The following KIF5C variants were observed in gnomAD, a reference collection of about 807,000 sequenced individuals.
KIF5C encodes the protein kinesin heavy chain isoform 5C.
In KIF5C, 18 loss-of-function variants were observed where a neutral mutation model predicts 125.2. The ratio of observed to expected loss-of-function variants is 0.14; its 90% CI spans 0.10 to 0.21. The LOEUF is 0.21. Among genes scored for constraint, KIF5C ranks in the 10% least tolerant of loss-of-function variants. KIF5C has a pLI of 1.00. For missense variants in KIF5C, 780 were observed against 1,183.8 expected (o/e 0.66, Z 5.01); for synonymous variants, 405 against 434.0 (o/e 0.93, Z 0.83).
intron 7 of KIF5C, among the ~76,000 whole-genome samples, chr2:148,943,204 AAAAAAG>A (rs1437659202): frequency 2.6e-5 from 4 of 152,300 alleles, no homozygotes; most frequent in Middle Eastern, 3.4e-3. Flanking sequence ...TGCCTTCTGT[AAAAAAG>A]AAAAAGAAAG....
intron 3 of KIF5C, among the ~76,000 whole-genome samples, chr2:148,933,989 C>T (rs1268904692): frequency 2.0e-5 from 3 of 151,324 alleles, no homozygotes; most frequent in South Asian, 2.1e-4. Flanking sequence ...TACCACACAC[C>T]CTTCCACATA....
At chr2:148,941,878 T>C in intron 5 of KIF5C, 57 bp from the exon 6 acceptor site, 1 of 1,587,894 alleles carries the variant, frequency 6.3e-7, no homozygotes, top group East Asian at 2.2e-5. Flanking sequence ...TTTCCTCCAA[T>C]ATAGAGTCTT....
chr2:148,948,037 G>A, intron 8 of KIF5C: 1 of 456,500 alleles, frequency 2.2e-6, no homozygotes, highest in Non-Finnish European at 4.4e-6. Context: ...GGTATTTCTA[G>A]TTGGGAATCT....
chr2:148,934,554 T>TACACAC (rs146996473), intron 3 of KIF5C, among the ~76,000 whole-genome samples: 2 of 143,164 alleles, frequency 1.4e-5, no homozygotes, highest in African/African-American at 5.1e-5. Flanking sequence ...CACACACGCA[T>TACACAC]ACACACACAC....
At chr2:148,998,809 G>C (rs569419156) in intron 19 of KIF5C, 1 of 266,006 alleles carries the variant, frequency 3.8e-6, no homozygotes, top group Non-Finnish European at 7.0e-6. Flanking sequence ...TAGATGGGGG[G>C]GAGCATCTGT....
At position 148,921,764 on chromosome 2, in the gene KIF5C, A is replaced by G. The variant is rs567554166; in HGVS notation, c.127-373A>G. ...GCTTATTAGCTATCTGCTCAACTTAATTGAATGATTCACAAGAGCAAGACT... is the reference window on the plus strand; with the variant it reads ...GCTTATTAGCTATCTGCTCAACTTAGTTGAATGATTCACAAGAGCAAGACT... On this transcript the variant is annotated intron_variant, in intron 1 of 25. Transcript: ENST00000435030. Among the ~76,000 whole-genome samples, 140 of 151,982 alleles carry G rather than the reference A, an allele frequency of 9.2e-4. 2 individuals are homozygous for G. Among genetic ancestry groups the G allele is most frequent in the Admixed American group, 9.2e-3 (140 of 15,270 alleles).
chr2:148,945,768 C>G (rs140621592), intron 7 of KIF5C, among the ~76,000 whole-genome samples: 1 of 152,132 alleles, frequency 6.6e-6, no homozygotes, highest in East Asian at 1.9e-4. Context: ...ACCTTCAACT[C>G]TGTTCTTATT....
chr2:148,984,212 C>G (rs1364739078), intron 15 of KIF5C, among the ~76,000 whole-genome samples: 1 of 152,112 alleles, frequency 6.6e-6, no homozygotes, highest in Admixed American at 6.5e-5. Flanking sequence ...GAAATAAAAC[C>G]ACATTTAATT....
chr2:148,938,603 T>C (rs1002806150), intron 4 of KIF5C, among the ~76,000 whole-genome samples: 4 of 152,104 alleles, frequency 2.6e-5, no homozygotes, highest in South Asian at 2.1e-4. Flanking sequence ...CCTACATAGG[T>C]GCCCCCCTTG....
At chr2:148,992,258 T>C (rs979454933) in intron 16 of KIF5C, among the ~76,000 whole-genome samples, 1 of 152,176 alleles carries the variant, frequency 6.6e-6, no homozygotes, top group African/African-American at 2.4e-5. Flanking sequence ...AGTGCTAATA[T>C]GTGATAGTAA....
rs552282621 is a variant in KIF5C at position 149,019,645 on chromosome 2, G to T, written c.*8-3433G>T. ...CAGCAGATTGTACCAAAGCTCCAAT[G>T]AGATAAATCCACTTCTATTCAGCAG... On this transcript the variant is annotated intron_variant, in intron 25 of 25. Coordinates refer to ENST00000435030, the MANE Select transcript of KIF5C (RefSeq NM_004522.3). Among the ~76,000 whole-genome samples the T allele has an allele frequency of 2.0e-5, 3 of 152,294 alleles. No individual in the cohort carries two copies. The East Asian group carries it at 5.8e-4, about 29-fold the overall frequency.
intron 11 of KIF5C, among the ~76,000 whole-genome samples, chr2:148,971,286 G>GTCTA (rs752649709): frequency 0.017 from 2,285 of 134,444 alleles, 29 homozygotes; most frequent in African/African-American, 0.035. Context: ...CTGTCTGTCT[G>GTCTA]TCTGTCTATC....
In KIF5C at chr2:149,000,708, T is replaced by C; in HGVS notation, c.2313-14T>C. 1 of 1,613,656 alleles carries C rather than the reference T, an allele frequency of 6.2e-7. No homozygotes were observed. ...GTCCCCTGTGGTGGTCTATGGTTCC[T>C]TTTTGTTTTTCAGATTGCTCAACGA... On this transcript the variant is annotated splice_polypyrimidine_tract_variant and intron_variant, in intron 20 of 25. Coordinates refer to ENST00000435030, the MANE Select transcript of KIF5C (RefSeq NM_004522.3).
intron 2 of KIF5C, among the ~76,000 whole-genome samples, chr2:148,925,703 GT>G (rs1211206738): frequency 6.6e-6 from 1 of 152,166 alleles, no homozygotes; most frequent in African/African-American, 2.4e-5. Context: ...TTTATGAGTG[GT>G]CCCTGTTCTG....
chr2:148,895,786 T>C (rs767594926), intron 1 of KIF5C, among the ~76,000 whole-genome samples: 14 of 152,046 alleles, frequency 9.2e-5, no homozygotes, highest in Non-Finnish European at 2.1e-4. Context: ...GCTATCTTCC[T>C]GGCATGTAGA....
chr2:148,938,999 G>C (rs1179846940), intron 4 of KIF5C, among the ~76,000 whole-genome samples: 1 of 151,628 alleles, frequency 6.6e-6, no homozygotes, highest in East Asian at 1.9e-4. Flanking sequence ...GGAGGCTGAG[G>C]CACGAGAATC....
Position 149,023,300 on chromosome 2 carries a change from TACTACTGAGAA to T in KIF5C, c.*231_*241del, listed in dbSNP as rs767548560. The T allele has an allele frequency of 2.0e-5, 3 of 152,302 alleles. No homozygotes were observed. The highest frequency in any genetic ancestry group is 4.8e-5 in the African/African-American group (2 of 41,414). 9.4% of individuals were successfully genotyped at this position (152,302 alleles called of 1,614,324 possible). ...AGGAGATGGTTGCAGAAGATCCACT[TACTACTGAGAA>T]CCATTACCACCGACTCGGCCTCCGG... On this transcript the variant is annotated 3_prime_UTR_variant, in exon 26 of 26. Transcript: ENST00000435030.
chr2:148,900,067 T>TA (rs1680834492), intron 1 of KIF5C, among the ~76,000 whole-genome samples: 1 of 152,358 alleles, frequency 6.6e-6, no homozygotes, highest in South Asian at 2.1e-4. Context: ...ACTGTTTTTC[T>TA]ACTCTTCAGG....
chr2:149,016,367 G>A (rs73011372), intron 25 of KIF5C, among the ~76,000 whole-genome samples: 6,922 of 152,180 alleles, frequency 0.045, 392 homozygotes, highest in African/African-American at 0.13. Flanking sequence ...GGGTTGCCTA[G>A]GGCGTCACTG....
Sources: allele counts gnomAD v4.1 joint callset (sites outside exome capture counted in the v4.1 genomes callset), GRCh38; gene constraint gnomAD v4.1.1; transcripts MANE v1.5; gene names NCBI Gene and HGNC (gene_info 2026-07-23, HGNC 2026-07-21).